MYRF: variants seen among roughly 807,000 people sequenced by gnomAD.
The protein encoded by MYRF is myelin regulatory factor, also known as myelin gene regulatory factor.
MYRF carries 16 observed loss-of-function variants against 126.3 expected under a neutral mutation model. The ratio of observed to expected loss-of-function variants is 0.13; its 90% confidence interval spans 0.09 to 0.19. The LOEUF (loss-of-function observed/expected upper bound fraction) is 0.19. MYRF is among the 10% of genes least tolerant of loss of function. The probability of loss-of-function intolerance (pLI) is 1.00; values close to 1 mark genes in which losing one functional copy is unlikely to be tolerated. For missense variants in MYRF, 1,104 were observed against 1,547.0 expected (o/e 0.71, Z 4.80); for synonymous variants, 608 against 635.3 (o/e 0.96, Z 0.65).
chr11:61,752,703 G>C lies in MYRF; in HGVS notation c.-42G>C. 1 of 1,335,276 alleles carries C rather than the reference G, an allele frequency of 7.5e-7. No individual in the cohort carries two copies. Among genetic ancestry groups the C allele is most frequent in the Non-Finnish European group, 9.6e-7 (1 of 1,045,010 alleles). 82.7% of individuals were successfully genotyped at this position (1,335,276 alleles called of 1,614,324 possible). ...CGATGCCGCGCCCCCGGGCCGGGCT[G>C]TAGCGGGGCCGCGGCTGGAGTGTGC... On this transcript the variant is annotated 5_prime_UTR_variant, in exon 1 of 27. Coordinates refer to ENST00000278836, the MANE Select transcript of MYRF (RefSeq NM_001127392.3).
chr11:61,776,273 C>G lies in MYRF; in HGVS notation c.1389-49C>G, dbSNP rs369012118. The G allele has an allele frequency of 6.3e-6, 10 of 1,580,280 alleles. No individual in the cohort carries two copies. The highest frequency in any genetic ancestry group is 8.6e-6 in the Non-Finnish European group (10 of 1,156,984). On this transcript the variant is annotated intron_variant, in intron 9 of 26. Coordinates refer to ENST00000278836, the MANE Select transcript of MYRF (RefSeq NM_001127392.3). This position sits in a 1 kb window ranked among gnomAD's most constrained non-coding sequence, Gnocchi z 4.3. ...CTGGGTGCCCCTCAGTGGCGTGGCT[C>G]TTGCAGCCTCCCTCCCTGCCCCCTG...
intron 1 of MYRF, among the ~76,000 whole-genome samples, chr11:61,755,922 C>G (rs1197564215): frequency 6.6e-6 from 1 of 152,216 alleles, no homozygotes; most frequent in East Asian, 1.9e-4. Flanking sequence ...GGAGCCCCAC[C>G]AGGGCTGGAG....
At position 61,776,002 on chromosome 11, in the gene MYRF, C is replaced by T; in HGVS notation, c.1312-54C>T. 6.4e-7 allele frequency: 1 copy of T among 1,568,754 alleles called. No homozygotes were observed. Among genetic ancestry groups the T allele is most frequent in the Non-Finnish European group, 8.8e-7 (1 of 1,139,578 alleles). On this transcript the variant is annotated intron_variant, in intron 8 of 26. Transcript: ENST00000278836. This position sits in a 1 kb window ranked among gnomAD's most constrained non-coding sequence, Gnocchi z 4.3. Reference sequence around the variant, plus strand: ...GCCTGGCTGAGAGGGGGCAGGAGGGCAGGACCAGCCGGGTAGCCCCATCCT... The same window carrying T: ...GCCTGGCTGAGAGGGGGCAGGAGGGTAGGACCAGCCGGGTAGCCCCATCCT...
intron 1 of MYRF, chr11:61,755,686 A>C: frequency 1.4e-5 from 10 of 698,220 alleles, no homozygotes; most frequent in Non-Finnish European, 1.3e-5. Context: ...GAAGAAGCTC[A>C]CTGCCCAGCC....
intron 1 of MYRF, among the ~76,000 whole-genome samples, chr11:61,765,241 T>C (rs2066022439): frequency 6.6e-6 from 1 of 152,212 alleles, no homozygotes; most frequent in Non-Finnish European, 1.5e-5. Flanking sequence ...AGCACCTCAT[T>C]TGTGCCTCAC....
chr11:61,771,375 A>C, intron 5 of MYRF, 125 bp from the exon 6 acceptor site: 1 of 1,300,890 alleles, frequency 7.7e-7, no homozygotes, highest in South Asian at 1.5e-5. Context: ...TTCCTGAAGG[A>C]GGTGTCCTCT....
chr11:61,753,869 T>G (rs1483104186), intron 1 of MYRF, among the ~76,000 whole-genome samples: 1 of 152,014 alleles, frequency 6.6e-6, no homozygotes, highest in African/African-American at 2.4e-5. Flanking sequence ...GAGGGGAAGT[T>G]CTGGCTGACT....
At chr11:61,781,363 G>A in intron 21 of MYRF, 34 bp downstream of exon 21, 1 of 1,608,836 alleles carries the variant, frequency 6.2e-7, no homozygotes, top group African/African-American at 1.3e-5. Flanking sequence ...CTTGGGGCGG[G>A]GGCTACCTGC....
chr11:61,769,393 T>C, intron 4 of MYRF, 72 bp downstream of exon 4: 1 of 1,234,990 alleles, frequency 8.1e-7, no homozygotes, highest in African/African-American at 1.5e-5. Flanking sequence ...ATCAGGGAGG[T>C]AGGGGAGGAG....
chr11:61,759,655 G>A lies in MYRF; in HGVS notation c.47-5970G>A, dbSNP rs140036752. On this transcript the variant is annotated intron_variant, in intron 1 of 26. Coordinates refer to ENST00000278836, the MANE Select transcript of MYRF (RefSeq NM_001127392.3). ...ACTGCACTCCAGCCTGGGCAACAGA[G>A]TGAAACTTTGTCTCAAAAAGAAAGG... Among the ~76,000 whole-genome samples the A allele has an allele frequency of 6.4e-3, 980 of 152,148 alleles. 14 individuals are homozygous for A. Among genetic ancestry groups the A allele is most frequent in the African/African-American group, 0.023 (947 of 41,502 alleles).
At position 61,757,533 on chromosome 11, in the gene MYRF, TA is replaced by T. The variant is rs1443415198; in HGVS notation, c.46+4744del. 2 of 456,420 alleles carry T rather than the reference TA, an allele frequency of 4.4e-6. No homozygotes were observed. Among genetic ancestry groups the T allele is most frequent in the South Asian group, 1.5e-5 (1 of 64,568 alleles). The allele number at this position is 456,420 out of a possible 1,614,324, so 28.3% of individuals were successfully genotyped here. On this transcript the variant is annotated intron_variant, in intron 1 of 26. Transcript: ENST00000278836. This position sits in a 1 kb window ranked among gnomAD's most constrained non-coding sequence, Gnocchi z 4.7. ...CAGGGTAGGTCAGTGCCCCTAAGCT[TA>T]GGGGGCTTGTTGAGCATGTTCTGTG... is the stretch of plus-strand genomic sequence containing the variant.
rs1164647948 is a variant in MYRF at position 61,757,351 on chromosome 11, T to C, written c.46+4561T>C. 2 of 455,100 alleles carry C rather than the reference T, an allele frequency of 4.4e-6. No individual in the cohort carries two copies. Among genetic ancestry groups the C allele is most frequent in the Admixed American group, 2.4e-5 (1 of 42,528 alleles). The allele number at this position is 455,100 out of a possible 1,614,324, so 28.2% of individuals were successfully genotyped here. ...GGCCGTATCAGGGCACCGCTGTGCC[T>C]CCGCTTTCTCATCTGTAAAACGGGA... On this transcript the variant is annotated intron_variant, in intron 1 of 26. Coordinates refer to ENST00000278836, the MANE Select transcript of MYRF (RefSeq NM_001127392.3). The surrounding 1 kb of genome is among the most constrained non-coding windows in gnomAD (Gnocchi z 4.7).
intron 24 of MYRF, 111 bp from the exon 25 acceptor site, chr11:61,784,169 G>A (rs768022027): frequency 2.5e-5 from 27 of 1,082,322 alleles, no homozygotes; most frequent in Non-Finnish European, 3.2e-5. Flanking sequence ...GTTATTATGC[G>A]GTGTTTCAGG....
At chr11:61,759,087 G>A (rs1433261433) in intron 1 of MYRF, among the ~76,000 whole-genome samples, 6 of 152,206 alleles carry the variant, frequency 3.9e-5, no homozygotes, top group Admixed American at 6.5e-5. Context: ...GGGCCACGCC[G>A]GTGTGTAGGC....
rs1565292279 is a variant in MYRF, at chr11:61,771,641, GCC to G, written c.883_884del (p.Pro295ThrfsTer42). Reference sequence around the variant, plus strand: ...CTCTGCACCCCACTCGAGCCCCATCGCCACCCTGGCCTCCCCAGGGTCCGCTC... The same window carrying G: ...CTCTGCACCCCACTCGAGCCCCATCGACCCTGGCCTCCCCAGGGTCCGCTC... ...LPLHPTRAPS[P>X]PWPPQGPLSP... is the part of the protein sequence containing the mutation. On this transcript the variant is annotated frameshift_variant, in exon 6 of 27. Coordinates refer to ENST00000278836, the MANE Select transcript of MYRF (RefSeq NM_001127392.3). LOFTEE classifies it high-confidence loss of function. 4 of 1,613,832 alleles carry G rather than the reference GCC, an allele frequency of 2.5e-6. No individual in the cohort carries two copies. The highest frequency in any genetic ancestry group is 3.4e-6 in the Non-Finnish European group (4 of 1,179,988).
Position 61,777,290 on chromosome 11 carries a change from C to T in MYRF, c.1617C>T (p.Ser539=). The change falls in exon 12 of 27, where the codon AGC becomes AGT. Residue 539 remains serine, a synonymous_variant. Coordinates refer to ENST00000278836, the MANE Select transcript of MYRF (RefSeq NM_001127392.3). This position sits in a 1 kb window ranked among gnomAD's most constrained non-coding sequence, Gnocchi z 8.8. ...CCTCCAACCCAGGCCAGTTCGAGAG[C>T]GACAGCGATGTGTTGTGGCAGCGGG... ...VRASNPGQFE[S]DSDVLWQRAQ... 1 of 1,613,580 alleles carries T rather than the reference C, an allele frequency of 6.2e-7. No individual in the cohort carries two copies.
Position 61,752,800 on chromosome 11 carries a change from C to T in MYRF, c.46+10C>T, listed in dbSNP as rs984226049. On this transcript the variant is annotated intron_variant, in intron 1 of 26. Transcript: ENST00000278836. ...CAGCGCTTCTTCGAAGGTGAGAGAC[C>T]GCGGGCTGGCGGCGGCGACCCTCTG... The T allele has an allele frequency of 3.4e-6, 5 of 1,486,824 alleles. No homozygotes were observed. Among genetic ancestry groups the T allele is most frequent in the Non-Finnish European group, 4.4e-6 (5 of 1,124,072 alleles). 92.1% of individuals were successfully genotyped at this position (1,486,824 alleles called of 1,614,324 possible).
At chr11:61,770,205 G>T in intron 4 of MYRF, 41 bp from the exon 5 acceptor site, 1 of 1,542,418 alleles carries the variant, frequency 6.5e-7, no homozygotes. Flanking sequence ...GAGCCTGAGT[G>T]AGGTTGGTCT....
At position 61,764,660 on chromosome 11, in the gene MYRF, C is replaced by T. The variant is rs74605450; in HGVS notation, c.47-965C>T. Among the ~76,000 whole-genome samples, 114 of 152,308 alleles carry T rather than the reference C, an allele frequency of 7.5e-4. 1 individual carries two copies. The East Asian group carries it at 0.018, about 24-fold the overall frequency. On this transcript the variant is annotated intron_variant, in intron 1 of 26. Transcript: ENST00000278836. ...ATTATCGGGGTTGACGCATCTCCCACGTCAGCCCCCTTATCACCCCGCCCT... is the reference window on the plus strand; with the variant it reads ...ATTATCGGGGTTGACGCATCTCCCATGTCAGCCCCCTTATCACCCCGCCCT...
Sources: allele counts gnomAD v4.1 joint callset (sites outside exome capture counted in the v4.1 genomes callset), GRCh38; gene constraint gnomAD v4.1.1; non-coding constraint Gnocchi (gnomAD v3.1); transcripts MANE v1.5; gene names NCBI Gene and HGNC (gene_info 2026-07-23, HGNC 2026-07-21).